The following XRCC5 variants were observed in gnomAD, a reference collection of about 807,000 sequenced individuals.
XRCC5 encodes the protein DNA repair protein Ku80.
Under a neutral mutation model 95.7 loss-of-function variants are expected in XRCC5, and 12 were observed. The ratio of observed to expected loss-of-function variants is 0.13; its 90% CI spans 0.08 to 0.20. XRCC5 has a LOEUF of 0.20. XRCC5 is among the 10% of genes least tolerant of loss of function. XRCC5 has a pLI of 1.00. For missense variants in XRCC5, 595 were observed against 873.9 expected, an observed-to-expected ratio of 0.68 and a Z score of 4.02; for synonymous variants, 281 against 290.3, an observed-to-expected ratio of 0.97 and a Z score of 0.33.
At chr2:216,173,195 T>A (rs181017157) in intron 16 of XRCC5, among the ~76,000 whole-genome samples, 1 of 152,300 alleles carries the variant, frequency 6.6e-6, no homozygotes, top group Admixed American at 6.5e-5. Context: ...CTTCTTCTTT[T>A]ATAACTTGTA....
chr2:216,201,046 AT>A (rs1689825559), intron 19 of XRCC5, among the ~76,000 whole-genome samples: 1 of 152,198 alleles, frequency 6.6e-6, no homozygotes, highest in South Asian at 2.1e-4. Flanking sequence ...TAAGATAGGT[AT>A]GGTAAGTAGT....
chr2:216,176,421 A>G (rs1689278519), intron 16 of XRCC5, among the ~76,000 whole-genome samples: 1 of 152,178 alleles, frequency 6.6e-6, no homozygotes, highest in South Asian at 2.1e-4. Context: ...ACCGGGCCCA[A>G]TTTTTAAGCT....
intron 16 of XRCC5, among the ~76,000 whole-genome samples, chr2:216,163,342 A>G (rs1190252681): frequency 1.3e-5 from 2 of 151,080 alleles, no homozygotes. Context: ...GGGGGACAGA[A>G]TCTTGCTCTG....
At chr2:216,191,441 C>A (rs546343406) in intron 17 of XRCC5, among the ~76,000 whole-genome samples, 38 of 150,948 alleles carry the variant, frequency 2.5e-4, no homozygotes, top group African/African-American at 8.3e-4. Flanking sequence ...GACGGACTTT[C>A]ACTCTTGTCG....
In XRCC5 at chr2:216,206,216, G is replaced by T. The variant is rs1559267405; in HGVS notation, c.*1014G>T. The T allele has an allele frequency of 6.6e-6, 1 of 152,098 alleles. No individual in the cohort carries two copies. Among genetic ancestry groups the T allele is most frequent in the African/African-American group, 2.4e-5 (1 of 41,394 alleles). The allele number at this position is 152,098 out of a possible 1,614,324, so 9.4% of individuals were successfully genotyped here. ...TGGTACCCAGTCACCTCTGTCTTCA[G>T]CACCCTCATAAGTCGTCACTAATAC... On this transcript the variant is annotated 3_prime_UTR_variant, in exon 21 of 21. Transcript: ENST00000392132.
At chr2:216,151,262 G>A (rs766275568) in intron 14 of XRCC5, among the ~76,000 whole-genome samples, 6 of 152,252 alleles carry the variant, frequency 3.9e-5, no homozygotes, top group Middle Eastern at 3.4e-3. Flanking sequence ...TCATATAAAA[G>A]CATTGCTTCC....
At chr2:216,115,510 A>T (rs1468539523) in intron 2 of XRCC5, among the ~76,000 whole-genome samples, 1 of 150,798 alleles carries the variant, frequency 6.6e-6, no homozygotes, top group African/African-American at 2.4e-5. Flanking sequence ...GCACCCAGAC[A>T]CCGTTAGTCC....
intron 4 of XRCC5, among the ~76,000 whole-genome samples, chr2:216,118,368 C>T (rs148008330): frequency 1.3e-5 from 2 of 152,154 alleles, no homozygotes; most frequent in African/African-American, 2.4e-5. Context: ...TTTGCAGAGA[C>T]GGTCTCACTA....
chr2:216,186,611 T>A (rs919066299), intron 16 of XRCC5, among the ~76,000 whole-genome samples: 1 of 152,226 alleles, frequency 6.6e-6, no homozygotes, highest in Admixed American at 6.5e-5. Context: ...ATGACAGCCA[T>A]TTGCCTGACT....
chr2:216,169,626 G>A (rs1689117521), intron 16 of XRCC5, among the ~76,000 whole-genome samples: 4 of 152,198 alleles, frequency 2.6e-5, no homozygotes, highest in South Asian at 2.1e-4. Context: ...TAAGGGGTGC[G>A]ACTTAACCCT....
At chr2:216,119,289 C>G (rs1696758724) in intron 5 of XRCC5, 124 bp downstream of exon 5, 4 of 1,003,888 alleles carry the variant, frequency 4.0e-6, no homozygotes, top group Middle Eastern at 3.0e-4. Context: ...CTGAATCTGT[C>G]AGATGACTGA....
intron 16 of XRCC5, among the ~76,000 whole-genome samples, chr2:216,167,598 GT>G (rs1689076588): frequency 1.4e-5 from 2 of 145,302 alleles, no homozygotes; most frequent in South Asian, 2.1e-4. Flanking sequence ...GTGTGTGTGT[GT>G]GTGTGTGTGT....
intron 5 of XRCC5, among the ~76,000 whole-genome samples, chr2:216,119,603 A>G (rs1045544600): frequency 2.0e-5 from 3 of 152,192 alleles, no homozygotes; most frequent in African/African-American, 7.2e-5. Flanking sequence ...CAGGAATGCC[A>G]ACTTGGGAAT....
chr2:216,150,562 G>T (rs924574931), intron 14 of XRCC5, among the ~76,000 whole-genome samples: 1 of 152,144 alleles, frequency 6.6e-6, no homozygotes, highest in Non-Finnish European at 1.5e-5. Flanking sequence ...CCCGTGCAGT[G>T]TGTTACTATA....
At chr2:216,116,561 A>G in intron 2 of XRCC5, 98 bp from the exon 3 acceptor site, 2 of 1,362,932 alleles carry the variant, frequency 1.5e-6, no homozygotes, top group Non-Finnish European at 1.0e-6. Flanking sequence ...GGGACCTGCC[A>G]TAGGGAGGTC....
In XRCC5 at chr2:216,116,865, G is replaced by C. The variant is rs760972885; in HGVS notation, c.319+23G>C. 2.5e-6 allele frequency: 4 copies of C among 1,609,048 alleles called. No individual in the cohort carries two copies. In the Middle Eastern group the frequency reaches 5.0e-4, roughly 200 times the overall value. ...ACTGTATCCTTTTTCTGCCAGAGAA[G>C]ACTTTAAGAAATTTCCTTTATTCTG... On this transcript the variant is annotated intron_variant, in intron 3 of 20. Transcript: ENST00000392132.
chr2:216,148,417 A>G (rs1407836788), intron 14 of XRCC5, 141 bp downstream of exon 14: 2 of 697,142 alleles, frequency 2.9e-6, no homozygotes, highest in African/African-American at 1.9e-5. Flanking sequence ...TGGCCCTTAT[A>G]TTGAAATATT....
rs968268096 is a variant in XRCC5 at position 216,147,996 on chromosome 2, C to G, written c.1477-87C>G. The G allele has an allele frequency of 1.1e-5, 16 of 1,421,666 alleles. No homozygotes were observed. The Admixed American group carries it at 3.6e-4, about 32-fold the overall frequency. The allele number at this position is 1,421,666 out of a possible 1,614,324, so 88.1% of individuals were successfully genotyped here. A position where few individuals can be genotyped will look rare whatever the true frequency, so the allele number is the denominator to read the frequency against. On this transcript the variant is annotated intron_variant, in intron 13 of 20. Transcript: ENST00000392132. ...GTATGAATCACTTAGCCCTCCCACA[C>G]TAAAGATGGAGGATCCCTGATCAGA...
At chr2:216,182,416 T>A (rs1689406633) in intron 16 of XRCC5, among the ~76,000 whole-genome samples, 1 of 152,222 alleles carries the variant, frequency 6.6e-6, no homozygotes, top group Admixed American at 6.5e-5. Flanking sequence ...TACCAATCAC[T>A]ATTATCTTAC....
Sources: allele counts gnomAD v4.1 joint callset (sites outside exome capture counted in the v4.1 genomes callset), GRCh38; gene constraint gnomAD v4.1.1; transcripts MANE v1.5; gene names NCBI Gene and HGNC (gene_info 2026-07-23, HGNC 2026-07-21).